Variants in CTNNA2 observed in about 807,000 individuals in gnomAD.
CTNNA2 encodes catenin alpha 2.
A neutral mutation model predicts 101.0 loss-of-function variants in CTNNA2; 42 were observed. The observed-to-expected ratio is 0.42, with a 90% CI of 0.32 to 0.54. The LOEUF (loss-of-function observed/expected upper bound fraction) is 0.54, where lower values mean the gene tolerates loss of function less well. Among genes scored for constraint, CTNNA2 ranks in the 20% least tolerant of loss-of-function variants. The pLI, the probability that CTNNA2 is intolerant of heterozygous loss-of-function variation, is 0.14. For synonymous variants in CTNNA2, 450 were observed against 456.4 expected, an observed-to-expected ratio of 0.99 and a Z score of 0.18; for missense variants, 871 against 1,223.1, an observed-to-expected ratio of 0.71 and a Z score of 4.29.
At chr2:79,333,161 C>A (rs1362226325) in intron 3 of CTNNA2, among the ~76,000 whole-genome samples, 1 of 152,084 alleles carries the variant, frequency 6.6e-6, no homozygotes, top group East Asian at 1.9e-4. Context: ...AGAAATGAAA[C>A]TCCTATTAGA....
intron 7 of CTNNA2, among the ~76,000 whole-genome samples, chr2:80,216,679 G>A (rs1274032512): frequency 6.6e-6 from 1 of 152,138 alleles, no homozygotes; most frequent in Non-Finnish European, 1.5e-5. Context: ...CTCCAGTCTT[G>A]GGCTTCCAGC....
intron 7 of CTNNA2, among the ~76,000 whole-genome samples, chr2:80,063,596 G>T (rs1394533470): frequency 1.3e-5 from 2 of 152,332 alleles, no homozygotes; most frequent in Middle Eastern, 3.4e-3. Context: ...TATTTGCCTG[G>T]AAGGCATCAG....
intron 3 of CTNNA2, among the ~76,000 whole-genome samples, chr2:79,745,833 T>G (rs1046926419): frequency 1.1e-4 from 16 of 152,222 alleles, no homozygotes; most frequent in African/African-American, 2.4e-4. Flanking sequence ...CTTCCACTTT[T>G]TGGCTCCTGG....
chr2:79,953,085 G>A (rs530166718), intron 7 of CTNNA2, among the ~76,000 whole-genome samples: 1 of 152,218 alleles, frequency 6.6e-6, no homozygotes, highest in African/African-American at 2.4e-5. Flanking sequence ...CAAGCACAGC[G>A]ATTGACATCG....
intron 1 of CTNNA2, among the ~76,000 whole-genome samples, chr2:79,642,543 G>A (rs1466983751): frequency 6.6e-6 from 1 of 152,106 alleles, no homozygotes; most frequent in Non-Finnish European, 1.5e-5. Flanking sequence ...AGGGGAAATG[G>A]GCTTAGATTG....
intron 3 of CTNNA2, among the ~76,000 whole-genome samples, chr2:79,773,462 G>A (rs1011526552): frequency 7.3e-4 from 111 of 152,238 alleles, no homozygotes; most frequent in African/African-American, 2.6e-3. Flanking sequence ...CAGGGAGGGG[G>A]CTTCTAGGTC....
At chr2:80,112,197 T>C (rs1701255980) in intron 7 of CTNNA2, among the ~76,000 whole-genome samples, 1 of 152,306 alleles carries the variant, frequency 6.6e-6, no homozygotes, top group African/African-American at 2.4e-5. Flanking sequence ...TTGTACTGCC[T>C]TGGGGCAGAG....
At chr2:79,291,990 C>G (rs532507851) in intron 2 of CTNNA2, among the ~76,000 whole-genome samples, 4 of 151,796 alleles carry the variant, frequency 2.6e-5, no homozygotes, top group African/African-American at 9.7e-5. Flanking sequence ...CTTCAGATAC[C>G]CAGGGCTTTT....
At chr2:79,287,416 T>G (rs1465460527) in intron 2 of CTNNA2, among the ~76,000 whole-genome samples, 1 of 152,184 alleles carries the variant, frequency 6.6e-6, no homozygotes, top group Non-Finnish European at 1.5e-5. Flanking sequence ...ACGATGGTGA[T>G]GTACAGATGG....
In CTNNA2 at chr2:79,641,304, G is replaced by T. The variant is rs1197641523; in HGVS notation, c.-5-10248G>T. Among the ~76,000 whole-genome samples the T allele has an allele frequency of 3.3e-5, 5 of 152,258 alleles. No individual in the cohort carries two copies. In the East Asian group the frequency reaches 9.7e-4, roughly 29 times the overall value. The stretch of plus-strand genomic sequence containing the variant: ...TGCTATAATCTAAATATGAAATGTT[G>T]AGATTCTGGTGAAGAATTGAGATAT... On this transcript the variant is annotated intron_variant, in intron 1 of 18. Coordinates refer to ENST00000402739, the MANE Select transcript of CTNNA2 (RefSeq NM_001282597.3).
At chr2:79,665,438 T>C (rs1442148656) in intron 2 of CTNNA2, among the ~76,000 whole-genome samples, 1 of 152,208 alleles carries the variant, frequency 6.6e-6, no homozygotes, top group Non-Finnish European at 1.5e-5. Flanking sequence ...CGGAATGGCA[T>C]ATAATAGTGA....
rs1228007839 is a variant in CTNNA2 at position 80,075,593 on chromosome 2, AATATAAATATTTATAC to A, written c.1056+165799_1056+165814del. Among the ~76,000 whole-genome samples the A allele has an allele frequency of 1.0e-3, 89 of 87,222 alleles. 1 individual carries two copies. Among genetic ancestry groups the A allele is most frequent in the African/African-American group, 3.1e-3 (77 of 24,826 alleles). 57.2% of individuals were successfully genotyped at this position (87,222 alleles called of 152,430 possible). ...ATAAAATAATATTTATACATGTATA[AATATAAATATTTATAC>A]ATGTATAAATATAAATATTTATACA... On this transcript the variant is annotated intron_variant, in intron 7 of 18. Transcript: ENST00000402739.
chr2:80,616,690 G>GCTAAT (rs71386641), intron 17 of CTNNA2, among the ~76,000 whole-genome samples: 84,986 of 150,592 alleles, frequency 0.56, 24,250 homozygotes, highest in African/African-American at 0.63. Flanking sequence ...GAAGTATACA[G>GCTAAT]CTAATCTACA....
intron 2 of CTNNA2, among the ~76,000 whole-genome samples, chr2:79,310,675 C>A (rs1037089086): frequency 1.3e-5 from 2 of 152,064 alleles, no homozygotes; most frequent in African/African-American, 4.8e-5. Context: ...AGATATAAAT[C>A]AATGCAGAAT....
chr2:80,407,154 C>A (rs1679144649), intron 8 of CTNNA2, among the ~76,000 whole-genome samples: 2 of 152,142 alleles, frequency 1.3e-5, no homozygotes, highest in African/African-American at 4.8e-5. Context: ...ACTAGAATAA[C>A]CTTTGCTTTC....
chr2:79,948,656 A>T (rs1160161285), intron 7 of CTNNA2, among the ~76,000 whole-genome samples: 1 of 152,226 alleles, frequency 6.6e-6, no homozygotes, highest in East Asian at 1.9e-4. Context: ...GAAAATATTA[A>T]TGACTGTTCA....
chr2:79,777,276 A>C (rs957878182), intron 3 of CTNNA2, among the ~76,000 whole-genome samples: 8 of 151,802 alleles, frequency 5.3e-5, no homozygotes, highest in Non-Finnish European at 8.8e-5. Context: ...TTTCTCTACT[A>C]TAAGAACAGC....
chr2:79,606,226 A>T (rs560930254), intron 1 of CTNNA2, among the ~76,000 whole-genome samples: 24 of 152,318 alleles, frequency 1.6e-4, no homozygotes, highest in African/African-American at 5.8e-4. Flanking sequence ...AAGAGTAAAT[A>T]GGTAAGAATT....
At chr2:80,088,204 A>G (rs1354205701) in intron 7 of CTNNA2, among the ~76,000 whole-genome samples, 1 of 152,058 alleles carries the variant, frequency 6.6e-6, no homozygotes, top group Non-Finnish European at 1.5e-5. Flanking sequence ...TAGAGTTGAT[A>G]AGTATAACCA....
Sources: gnomAD v4.1 joint callset for allele counts (sites outside exome capture counted in the v4.1 genomes callset) on GRCh38, gnomAD v4.1.1 for gene constraint, MANE v1.5 for transcripts, NCBI Gene and HGNC (gene_info 2026-07-23, HGNC 2026-07-21) for gene names.